LRP1B: variants seen among roughly 807,000 people sequenced by gnomAD.
LRP1B encodes low-density lipoprotein receptor-related protein 1B.
Under a neutral mutation model 556.6 loss-of-function variants are expected in LRP1B, and 217 were observed. The ratio of observed to expected loss-of-function variants is 0.39; its 90% CI spans 0.35 to 0.44. LRP1B has a LOEUF of 0.44. Ranked by LOEUF, LRP1B falls within the 20% of genes least tolerant of loss-of-function variation. LRP1B has a pLI of 1.00. For missense variants in LRP1B, 5,053 were observed against 5,620.8 expected, an observed-to-expected ratio of 0.90 and a Z score of 3.23; for synonymous variants, 2,047 against 1,865.8, an observed-to-expected ratio of 1.10 and a Z score of -2.50.
chr2:141,832,342 C>CTT (rs1200006616), intron 1 of LRP1B, among the ~76,000 whole-genome samples: 2 of 150,514 alleles, frequency 1.3e-5, no homozygotes, highest in Non-Finnish European at 3.0e-5. Flanking sequence ...CACACACACA[C>CTT]ACACACACAC....
intron 35 of LRP1B, among the ~76,000 whole-genome samples, chr2:140,717,342 A>G (rs1353168714): frequency 6.6e-6 from 1 of 152,054 alleles, no homozygotes; most frequent in Non-Finnish European, 1.5e-5. Flanking sequence ...GAAAGTACAA[A>G]GTCTTAAAAA....
intron 3 of LRP1B, among the ~76,000 whole-genome samples, chr2:141,427,530 G>A (rs574679117): frequency 6.6e-6 from 1 of 152,210 alleles, no homozygotes; most frequent in African/African-American, 2.4e-5. Context: ...TATAGTTACT[G>A]TAATATAGCA....
intron 3 of LRP1B, among the ~76,000 whole-genome samples, chr2:141,351,803 AG>A (rs1386321770): frequency 6.6e-6 from 1 of 151,986 alleles, no homozygotes; most frequent in Non-Finnish European, 1.5e-5. Flanking sequence ...AGGGATGATT[AG>A]AAGATGTGAT....
chr2:142,072,910 C>G (rs768843765), intron 1 of LRP1B, among the ~76,000 whole-genome samples: 1 of 152,004 alleles, frequency 6.6e-6, no homozygotes, highest in Non-Finnish European at 1.5e-5. Flanking sequence ...AATCTCTATG[C>G]CTGTAATTAT....
At chr2:142,102,827 C>T (rs937049807) in intron 1 of LRP1B, among the ~76,000 whole-genome samples, 1 of 151,848 alleles carries the variant, frequency 6.6e-6, no homozygotes, top group Non-Finnish European at 1.5e-5. Flanking sequence ...TAAGTGTTCA[C>T]ATTTTAAAAG....
Position 140,506,864 on chromosome 2 carries a change from A to G in LRP1B, c.8453T>C (p.Ile2818Thr), listed in dbSNP as rs750345256. 3 of 1,614,086 alleles carry G rather than the reference A, an allele frequency of 1.9e-6. No individual in the cohort carries two copies. The highest frequency in any genetic ancestry group is 1.1e-5 in the South Asian group (1 of 91,084). ...NAFMCHNKVC[I>T]PKQFVCDHDD... ...ATGGTCACAAACAAATTGCTTGGGA[A>G]TGCATACTTTATTATGGCACATGAA... Residue 2818 changes from isoleucine (I) to threonine (T), a missense_variant, in exon 53 of 91, where the codon ATT becomes ACT. Physicochemically the swap from Ile to Thr is moderately conservative, Grantham distance 89 (BLOSUM62 -1). Around this residue, in one of 5 missense-constraint regions of LRP1B, gnomAD observed 3,619 missense variants for 3,931.9 expected, o/e 0.92. Transcript: ENST00000389484.
chr2:141,060,247 T>C (rs1468093410), intron 8 of LRP1B, among the ~76,000 whole-genome samples: 2 of 151,744 alleles, frequency 1.3e-5, no homozygotes, highest in Non-Finnish European at 1.5e-5. Flanking sequence ...TTTTGGGTTT[T>C]ATCTCATTTC....
chr2:141,962,952 G>C (rs1479192416), intron 1 of LRP1B, among the ~76,000 whole-genome samples: 1 of 151,746 alleles, frequency 6.6e-6, no homozygotes, highest in Non-Finnish European at 1.5e-5. Context: ...CCTGTAAGTA[G>C]TCATTTTCCA....
At chr2:141,906,647 C>T (rs918826600) in intron 1 of LRP1B, among the ~76,000 whole-genome samples, 3 of 152,000 alleles carry the variant, frequency 2.0e-5, no homozygotes, top group East Asian at 1.9e-4. Context: ...ATTGCATTAA[C>T]ATCACATAAA....
intron 2 of LRP1B, among the ~76,000 whole-genome samples, chr2:141,492,091 A>AAAAAAAAAAAAAAAAAAAAAC (rs67960557): frequency 5.0e-5 from 5 of 100,192 alleles, no homozygotes; most frequent in Non-Finnish European, 7.5e-5. Flanking sequence ...AAAAAAAAAA[A>AAAAAAAAAAAAAAAAAAAAAC]CACTAAGAAA....
intron 60 of LRP1B, among the ~76,000 whole-genome samples, chr2:140,472,075 C>T (rs1687794341): frequency 6.6e-6 from 1 of 152,160 alleles, no homozygotes; most frequent in African/African-American, 2.4e-5. Context: ...GCACCTACTT[C>T]TTACCCACAA....
rs202010319 is a variant in LRP1B, at chr2:141,145,065, ATTTC to A, written c.1013+43352_1013+43355del. On this transcript the variant is annotated intron_variant, in intron 7 of 90. Transcript: ENST00000389484. ...AGCTCTTTTCTAACTTATACAAGTG[ATTTC>A]TTTAACAGTTAAAAATTTAAGAAAC... Among the ~76,000 whole-genome samples the A allele has an allele frequency of 6.6e-5, 10 of 152,318 alleles. No homozygotes were observed. In the East Asian group the frequency reaches 1.2e-3, roughly 18 times the overall value.
chr2:140,888,257 C>T (rs1383137320), intron 23 of LRP1B, among the ~76,000 whole-genome samples: 2 of 151,976 alleles, frequency 1.3e-5, no homozygotes, highest in African/African-American at 4.8e-5. Flanking sequence ...TGTTTCTTTT[C>T]TGTGCATTTG....
chr2:141,289,965 G>T (rs1392979663), intron 3 of LRP1B, among the ~76,000 whole-genome samples: 1 of 152,010 alleles, frequency 6.6e-6, no homozygotes, highest in African/African-American at 2.4e-5. Context: ...AAAGTGACTT[G>T]GTTTTTTTTC....
At chr2:140,924,005 GTAAA>G (rs1481974504) in intron 20 of LRP1B, among the ~76,000 whole-genome samples, 1 of 151,934 alleles carries the variant, frequency 6.6e-6, no homozygotes, top group Non-Finnish European at 1.5e-5. Context: ...AAATATTACA[GTAAA>G]TAGATATTTT....
chr2:141,165,727 G>A (rs992095813), intron 7 of LRP1B, among the ~76,000 whole-genome samples: 1 of 151,916 alleles, frequency 6.6e-6, no homozygotes. Flanking sequence ...TAAAAGTTCT[G>A]TGTAATTTTT....
intron 1 of LRP1B, among the ~76,000 whole-genome samples, chr2:142,117,176 G>T (rs1574705518): frequency 6.6e-6 from 1 of 152,004 alleles, no homozygotes; most frequent in East Asian, 1.9e-4. Context: ...AGAGAGTTTT[G>T]TTTCTTAGAG....
At position 140,324,187 on chromosome 2, in the gene LRP1B, G is replaced by A; in HGVS notation, c.12341-121C>T. The A allele has an allele frequency of 2.0e-5, 11 of 550,368 alleles. No homozygotes were observed. The South Asian group carries it at 2.6e-4, about 13-fold the overall frequency. 34.1% of individuals were successfully genotyped at this position (550,368 alleles called of 1,614,324 possible). On this transcript the variant is annotated intron_variant, in intron 80 of 90. Coordinates refer to ENST00000389484, the MANE Select transcript of LRP1B (RefSeq NM_018557.3). ...TGTTTAAAAATAAACTTTCAGAATT[G>A]GAATATTTACAATATTAGCTATGAA...
At chr2:141,763,527 T>C (rs1189240505) in intron 2 of LRP1B, among the ~76,000 whole-genome samples, 1 of 152,150 alleles carries the variant, frequency 6.6e-6, no homozygotes, top group Non-Finnish European at 1.5e-5. Context: ...CTATCTCAAT[T>C]AAATTAATGT....
Sources: gnomAD v4.1 joint callset for allele counts (sites outside exome capture counted in the v4.1 genomes callset) on GRCh38, gnomAD v4.1.1 for gene constraint, gnomAD v4.1.1 regional missense constraint, MANE v1.5 for transcripts, NCBI Gene and HGNC (gene_info 2026-07-23, HGNC 2026-07-21) for gene names.